NAV3: variants seen among roughly 807,000 people sequenced by gnomAD.
The protein encoded by NAV3 is neuron navigator 3.
A neutral mutation model predicts 244.7 loss-of-function variants in NAV3; 87 were observed. The observed-to-expected ratio is 0.36, with a 90% CI of 0.30 to 0.42. The LOEUF is 0.42. Ranked by LOEUF, NAV3 falls within the 20% of genes least tolerant of loss-of-function variation. NAV3 has a pLI of 1.00. For missense variants in NAV3, 2,663 were observed against 2,893.3 expected, an observed-to-expected ratio of 0.92 and a Z score of 1.83; for synonymous variants, 1,126 against 1,042.2, an observed-to-expected ratio of 1.08 and a Z score of -1.55.
At chr12:77,901,231 G>T (rs754762130) in intron 1 of NAV3, among the ~76,000 whole-genome samples, 3 of 152,072 alleles carry the variant, frequency 2.0e-5, no homozygotes. Flanking sequence ...AGTTTAAGTA[G>T]GTCCCACTTG....
chr12:77,882,358 TG>T (rs1472411668), intron 1 of NAV3, among the ~76,000 whole-genome samples: 4 of 152,126 alleles, frequency 2.6e-5, no homozygotes, highest in Non-Finnish European at 5.9e-5. Context: ...TAAATGGTGC[TG>T]GGGTAACTGG....
chr12:78,097,252 C>G (rs1954300594), intron 12 of NAV3, among the ~76,000 whole-genome samples: 2 of 152,188 alleles, frequency 1.3e-5, no homozygotes, highest in South Asian at 4.1e-4. Flanking sequence ...TCCCTTTCCT[C>G]TGTTAAGAGG....
At chr12:78,032,032 A>G (rs1044465921) in intron 9 of NAV3, among the ~76,000 whole-genome samples, 1 of 152,126 alleles carries the variant, frequency 6.6e-6, no homozygotes, top group Non-Finnish European at 1.5e-5. Flanking sequence ...AAATCAGGAG[A>G]GACCAAATTC....
At chr12:77,838,799 T>A (rs972987398) in intron 1 of NAV3, among the ~76,000 whole-genome samples, 1 of 152,224 alleles carries the variant, frequency 6.6e-6, no homozygotes, top group South Asian at 2.1e-4. Flanking sequence ...AAATTTTGAA[T>A]TAAACTTATG....
At chr12:77,782,394 T>A (rs959912253) in intron 2 of NAV3, among the ~76,000 whole-genome samples, 1 of 151,978 alleles carries the variant, frequency 6.6e-6, no homozygotes, top group Non-Finnish European at 1.5e-5. Context: ...CCATTTCTTT[T>A]AAAAAATTAA....
At chr12:77,904,515 G>A (rs1054859151) in intron 1 of NAV3, among the ~76,000 whole-genome samples, 4 of 152,120 alleles carry the variant, frequency 2.6e-5, no homozygotes, top group African/African-American at 9.7e-5. Context: ...GAGGGGGAGA[G>A]ATAACATTAG....
chr12:77,964,276 G>A (rs188388583), intron 3 of NAV3, among the ~76,000 whole-genome samples: 1 of 152,152 alleles, frequency 6.6e-6, no homozygotes, highest in East Asian at 1.9e-4. Flanking sequence ...TGTATAATAT[G>A]AGTAACTAAA....
At chr12:77,868,805 C>G (rs142494318) in intron 1 of NAV3, among the ~76,000 whole-genome samples, 198 of 150,530 alleles carry the variant, frequency 1.3e-3, no homozygotes, top group African/African-American at 4.0e-3. Context: ...CATGGTGGCT[C>G]ACTCCTTTAA....
chr12:78,143,236 A>C (rs451753), intron 20 of NAV3, among the ~76,000 whole-genome samples: 1 of 151,944 alleles, frequency 6.6e-6, no homozygotes, highest in African/African-American at 2.4e-5. Flanking sequence ...GCTAGATCTA[A>C]CCCATTTGTC....
intron 2 of NAV3, among the ~76,000 whole-genome samples, chr12:77,710,206 G>C (rs1016519944): frequency 6.6e-6 from 1 of 152,120 alleles, no homozygotes; most frequent in Non-Finnish European, 1.5e-5. Flanking sequence ...AAAAGGTTCT[G>C]CTCTTTCCAG....
intron 2 of NAV3, among the ~76,000 whole-genome samples, chr12:77,768,626 C>T (rs769799349): frequency 6.6e-6 from 1 of 152,208 alleles, no homozygotes; most frequent in Non-Finnish European, 1.5e-5. Context: ...TGGGGAGCTG[C>T]CAGGCAGAGG....
chr12:77,835,305 T>C (rs1434130248), intron 1 of NAV3, among the ~76,000 whole-genome samples: 1 of 152,198 alleles, frequency 6.6e-6, no homozygotes, highest in Non-Finnish European at 1.5e-5. Context: ...CAGCTAAGAA[T>C]TATGGGTTCA....
intron 2 of NAV3, among the ~76,000 whole-genome samples, chr12:77,768,212 G>A (rs779571013): frequency 2.0e-5 from 3 of 152,170 alleles, no homozygotes; most frequent in Non-Finnish European, 2.9e-5. Context: ...TGGGCAGCCT[G>A]GAAAAAGCAC....
intron 2 of NAV3, among the ~76,000 whole-genome samples, chr12:77,738,012 T>A (rs77747012): frequency 0.018 from 2,681 of 152,260 alleles, 91 homozygotes; most frequent in African/African-American, 0.061. Flanking sequence ...AATTTGCGCA[T>A]CCTTCAAGAA....
At chr12:77,650,337 A>C (rs1175755003) in intron 2 of NAV3, among the ~76,000 whole-genome samples, 1 of 152,174 alleles carries the variant, frequency 6.6e-6, no homozygotes, top group Non-Finnish European at 1.5e-5. Context: ...GTGAATCAAG[A>C]AAGTCTTCCC....
At chr12:77,762,471 T>C (rs916817731) in intron 2 of NAV3, among the ~76,000 whole-genome samples, 13 of 152,022 alleles carry the variant, frequency 8.6e-5, no homozygotes, top group African/African-American at 3.1e-4. Context: ...GGCATGTTGG[T>C]GTGCACCTGT....
intron 12 of NAV3, among the ~76,000 whole-genome samples, chr12:78,106,079 T>A (rs1478922170): frequency 6.6e-6 from 1 of 151,676 alleles, no homozygotes; most frequent in Non-Finnish European, 1.5e-5. Context: ...TTCATCTTAT[T>A]GTTGCATTAA....
intron 2 of NAV3, among the ~76,000 whole-genome samples, chr12:77,787,094 C>T (rs1870938975): frequency 1.3e-5 from 2 of 152,044 alleles, no homozygotes; most frequent in East Asian, 3.9e-4. Flanking sequence ...TGGGAAGAAG[C>T]AGAGAAGTTC....
intron 1 of NAV3, among the ~76,000 whole-genome samples, chr12:77,873,744 G>GTGTATGTATATATATATATATATATA (rs776225440): frequency 2.7e-5 from 2 of 73,182 alleles, no homozygotes; most frequent in African/African-American, 9.0e-5. Context: ...ATGTGTGTGT[G>GTGTATGTATATATATATATATATATA]TATATATATA....
Sources: allele counts gnomAD v4.1 joint callset (sites outside exome capture counted in the v4.1 genomes callset), GRCh38; gene constraint gnomAD v4.1.1; transcripts MANE v1.5; gene names NCBI Gene and HGNC (gene_info 2026-07-23, HGNC 2026-07-21).